TDRP: variants seen among roughly 807,000 people sequenced by gnomAD.
TDRP encodes the protein testis development-related protein.
Under a neutral mutation model 10.5 loss-of-function variants are expected in TDRP, and 12 were observed. That is an observed-to-expected ratio of 1.15 (90% CI 0.73 to 1.86). The LOEUF (loss-of-function observed/expected upper bound fraction) is 1.86. Among genes scored for constraint, TDRP ranks in the 40% most tolerant of loss-of-function variants. TDRP has a pLI of 0.00. For synonymous variants in TDRP, 139 were observed against 95.4 expected (o/e 1.46, Z -2.67); for missense variants, 353 against 229.2 (o/e 1.54, Z -3.49).
intron 1 of TDRP, among the ~76,000 whole-genome samples, chr8:510,263 C>A (rs568278650): frequency 6.6e-6 from 1 of 152,132 alleles, no homozygotes; most frequent in Admixed American, 6.6e-5. Flanking sequence ...TGGAAAATCC[C>A]AACCCTCTAA....
At chr8:504,965 A>G (rs1382791687) in intron 1 of TDRP, among the ~76,000 whole-genome samples, 1 of 152,206 alleles carries the variant, frequency 6.6e-6, no homozygotes, top group African/African-American at 2.4e-5. Flanking sequence ...AGGGAAAGGG[A>G]ACTTTTACTT....
intron 1 of TDRP, among the ~76,000 whole-genome samples, chr8:523,281 T>A (rs1162454550): frequency 6.6e-6 from 1 of 152,224 alleles, no homozygotes; most frequent in African/African-American, 2.4e-5. Context: ...ATGTATTACT[T>A]TATGTCTCCC....
intron 1 of TDRP, among the ~76,000 whole-genome samples, chr8:500,833 C>G (rs1268917262): frequency 6.6e-6 from 1 of 152,204 alleles, no homozygotes; most frequent in Non-Finnish European, 1.5e-5. Flanking sequence ...CACCTAAGAC[C>G]AACCCAGTAA....
rs957215685 is a variant in TDRP, at chr8:494,403, T to C, written c.212+91A>G. The stretch of plus-strand genomic sequence containing the variant: ...CGCCCCACAATGCCTCCAGTTACAC[T>C]GCATTTATGCCATCAAATCTTCATT... On this transcript the variant is annotated intron_variant, in intron 2 of 2. Transcript: ENST00000324079. The C allele has an allele frequency of 7.0e-6, 9 of 1,292,522 alleles. No individual in the cohort carries two copies. In the East Asian group the frequency reaches 1.2e-4, roughly 17 times the overall value. The allele number at this position is 1,292,522 out of a possible 1,614,324, so 80.1% of individuals were successfully genotyped here.
intron 1 of TDRP, among the ~76,000 whole-genome samples, chr8:521,903 A>G (rs1187758364): frequency 1.3e-5 from 2 of 152,174 alleles, no homozygotes; most frequent in African/African-American, 4.8e-5. Context: ...ACTTTCAGCA[A>G]TGTTTTATAT....
chr8:491,540 C>G lies in TDRP; in HGVS notation c.*859G>C, dbSNP rs74451014. ...CAATAGGCATCTCGCTTTGCAAGAA[C>G]AAACATATGAGCCTAATAAAAAAGA... is the stretch of plus-strand genomic sequence containing the variant. On this transcript the variant is annotated 3_prime_UTR_variant, in exon 3 of 3. Coordinates refer to ENST00000324079, the MANE Select transcript of TDRP (RefSeq NM_001384899.1). 1.9e-3 allele frequency: 2,639 copies of G among 1,407,582 alleles called. 42 individuals carry two copies. The African/African-American group carries it at 0.034, about 18-fold the overall frequency. 87.2% of individuals were successfully genotyped at this position (1,407,582 alleles called of 1,614,324 possible).
chr8:532,893 T>C (rs1353979419), intron 1 of TDRP, among the ~76,000 whole-genome samples: 1 of 152,188 alleles, frequency 6.6e-6, no homozygotes, highest in East Asian at 1.9e-4. Context: ...ACTGCAGAGC[T>C]GAGTGGTTCT....
At chr8:501,828 C>T (rs978524981) in intron 1 of TDRP, among the ~76,000 whole-genome samples, 14 of 152,180 alleles carry the variant, frequency 9.2e-5, no homozygotes, top group Admixed American at 2.0e-4. Flanking sequence ...AGGGCACTGG[C>T]GTCCCTGCAG....
chr8:498,334 C>A lies in TDRP; in HGVS notation c.109-3737G>T, dbSNP rs375522221. 1.3e-3 allele frequency among the ~76,000 whole-genome samples: 203 copies of A among 152,320 alleles called. 1 individual carries two copies. Among genetic ancestry groups the A allele is most frequent in the African/African-American group, 4.7e-3 (195 of 41,566 alleles). ...AGCCCACCCCTTGCATCAGCATGCC[C>A]TGGATATGAGACATGGCATGTAAAG... On this transcript the variant is annotated intron_variant, in intron 1 of 2. Coordinates refer to ENST00000324079, the MANE Select transcript of TDRP (RefSeq NM_001384899.1).
chr8:527,106 G>A (rs1802054727), intron 1 of TDRP, among the ~76,000 whole-genome samples: 1 of 151,720 alleles, frequency 6.6e-6, no homozygotes, highest in South Asian at 2.1e-4. Context: ...AAAATCAACA[G>A]ACCAAAAACA....
chr8:497,762 G>C (rs1402962082), intron 1 of TDRP, among the ~76,000 whole-genome samples: 1 of 152,184 alleles, frequency 6.6e-6, no homozygotes, highest in African/African-American at 2.4e-5. Flanking sequence ...CAGAGGCCTA[G>C]GAGGGAAAAA....
chr8:496,290 A>G (rs1174190017), intron 1 of TDRP, among the ~76,000 whole-genome samples: 1 of 152,252 alleles, frequency 6.6e-6, no homozygotes, highest in African/African-American at 2.4e-5. Flanking sequence ...GGCCCATGGC[A>G]TGACAGAGCA....
chr8:526,014 G>C (rs918795983), intron 1 of TDRP, among the ~76,000 whole-genome samples: 1 of 152,100 alleles, frequency 6.6e-6, no homozygotes, highest in Non-Finnish European at 1.5e-5. Flanking sequence ...ATTTCTTCAT[G>C]GTTCAAACTT....
At chr8:502,699 C>G (rs930476231) in intron 1 of TDRP, among the ~76,000 whole-genome samples, 1 of 151,910 alleles carries the variant, frequency 6.6e-6, no homozygotes, top group South Asian at 2.1e-4. Flanking sequence ...GGAACCCATG[C>G]CCACCTCAGC....
intron 1 of TDRP, among the ~76,000 whole-genome samples, chr8:536,036 CA>C (rs1013824352): frequency 2.6e-5 from 4 of 152,310 alleles, no homozygotes; most frequent in African/African-American, 9.6e-5. Flanking sequence ...TAGCAAAAAT[CA>C]GTAAAAGTAC....
intron 1 of TDRP, among the ~76,000 whole-genome samples, chr8:499,632 G>A (rs193050129): frequency 6.6e-6 from 1 of 152,360 alleles, no homozygotes; most frequent in Admixed American, 6.5e-5. Context: ...CGAAGTGTGA[G>A]CGTGAGGAGT....
At chr8:518,770 T>A (rs796630307) in intron 1 of TDRP, among the ~76,000 whole-genome samples, 21 of 152,022 alleles carry the variant, frequency 1.4e-4, no homozygotes, top group African/African-American at 5.1e-4. Context: ...ATTTTTTTTT[T>A]AGCTTAAAAG....
At chr8:521,246 C>CAA (rs57263869) in intron 1 of TDRP, among the ~76,000 whole-genome samples, 1,094 of 84,548 alleles carry the variant, frequency 0.013, 92 homozygotes, top group East Asian at 0.022. Flanking sequence ...ACTAAAAATC[C>CAA]AAAAAAAAAA....
intron 1 of TDRP, among the ~76,000 whole-genome samples, chr8:522,071 C>G (rs1269661916): frequency 2.6e-5 from 4 of 152,022 alleles, no homozygotes; most frequent in Non-Finnish European, 5.9e-5. Flanking sequence ...TATCCTGCAA[C>G]CTTGCTGAAT....
Sources: allele counts gnomAD v4.1 joint callset (sites outside exome capture counted in the v4.1 genomes callset), GRCh38; gene constraint gnomAD v4.1.1; transcripts MANE v1.5; gene names NCBI Gene and HGNC (gene_info 2026-07-23, HGNC 2026-07-21).